The following STXBP2 variants were observed in gnomAD, a reference collection of about 807,000 sequenced individuals.
The protein encoded by STXBP2 is syntaxin binding protein 2.
Under a neutral mutation model 72.2 loss-of-function variants are expected in STXBP2, and 47 were observed. The observed-to-expected ratio is 0.65, with a 90% CI of 0.51 to 0.83. The LOEUF (loss-of-function observed/expected upper bound fraction) is 0.83. STXBP2 is among the 40% of genes least tolerant of loss of function. The probability of loss-of-function intolerance (pLI) is 0.00; values close to 1 mark genes in which losing one functional copy is unlikely to be tolerated. For missense variants in STXBP2, 702 were observed against 807.6 expected (o/e 0.87, Z 1.58); for synonymous variants, 367 against 338.7 (o/e 1.08, Z -0.92).
chr19:7,637,388 T>C (rs1384405159), intron 1 of STXBP2, among the ~76,000 whole-genome samples: 1 of 151,752 alleles, frequency 6.6e-6, no homozygotes, highest in East Asian at 1.9e-4. Flanking sequence ...CAGAACAAAA[T>C]TGGGGGGCCG....
intron 1 of STXBP2, among the ~76,000 whole-genome samples, chr19:7,638,310 AAAAT>A (rs1185568778): frequency 6.6e-6 from 1 of 152,224 alleles, no homozygotes; most frequent in Non-Finnish European, 1.5e-5. Flanking sequence ...CTGGGGGCTA[AAAAT>A]AAATGATTCC....
intron 4 of STXBP2, 126 bp from the exon 5 acceptor site, chr19:7,640,605 A>G (rs763359328): frequency 4.8e-6 from 6 of 1,251,928 alleles, no homozygotes; most frequent in East Asian, 2.4e-5. Context: ...GTGCATTTGC[A>G]CATATACATG....
At chr19:7,633,319 G>A (rs564943033), upstream of STXBP2, 6 of 1,317,894 alleles carry the variant, frequency 4.6e-6, no homozygotes, top group African/African-American at 1.5e-5. Context: ...AGACTCACTC[G>A]TTAATTAGGT....
At chr19:7,641,080 T>G in intron 6 of STXBP2, 77 bp downstream of exon 6, 1 of 1,487,380 alleles carries the variant, frequency 6.7e-7, no homozygotes, top group Non-Finnish European at 9.3e-7. Context: ...AAACAGACAC[T>G]GAGGCTGGGC....
At chr19:7,637,071 G>A (rs984928774), upstream of STXBP2, 10 of 1,225,276 alleles carry the variant, frequency 8.2e-6, no homozygotes, top group Non-Finnish European at 9.2e-6. Context: ...CGCGGGGCGG[G>A]GTCCACGTGG....
intron 4 of STXBP2, chr19:7,640,016 G>A: frequency 1.5e-6 from 1 of 678,900 alleles, no homozygotes; most frequent in Non-Finnish European, 2.7e-6. Context: ...ATGTGTCTGT[G>A]TGCATGTGCA....
At position 7,640,272 on chromosome 19, in the gene STXBP2, A is replaced by G. The variant is rs534147207; in HGVS notation, c.247-459A>G. On this transcript the variant is annotated intron_variant, in intron 4 of 18. Transcript: ENST00000221283. ...TGTGTGCATGTGTGTATGCGTGTAT[A>G]TGTATGTGCATCTGTGTGCATGTGT... 2.3e-4 allele frequency: 116 copies of G among 499,302 alleles called. No homozygotes were observed. The East Asian group carries it at 4.3e-3, about 19-fold the overall frequency. 30.9% of individuals were successfully genotyped at this position (499,302 alleles called of 1,614,324 possible).
Position 7,643,598 on chromosome 19 carries a change from A to G in STXBP2, c.1107+353A>G, listed in dbSNP as rs150441046. Among the ~76,000 whole-genome samples the G allele has an allele frequency of 8.7e-3, 1,166 of 133,620 alleles. 10 individuals carry two copies. Among genetic ancestry groups the G allele is most frequent in the Non-Finnish European group, 9.7e-3 (600 of 61,968 alleles). 87.7% of individuals were successfully genotyped at this position (133,620 alleles called of 152,430 possible). A position where few individuals can be genotyped will look rare whatever the true frequency, so the allele number is the denominator to read the frequency against. ...TGGAGAGGTGCGACCTGGGAGAGGAATGGAGCCTTGGAGAGGTGGGACCTG... is the reference window on the plus strand; with the variant it reads ...TGGAGAGGTGCGACCTGGGAGAGGAGTGGAGCCTTGGAGAGGTGGGACCTG... On this transcript the variant is annotated intron_variant, in intron 13 of 18. Transcript: ENST00000221283.
At position 7,644,649 on chromosome 19, in the gene STXBP2, G is replaced by A; in HGVS notation, c.1143G>A (p.Lys381=). Reference sequence around the variant, plus strand: ...TGGGCTCCGACGCAGAGGGGGAGAAGATCAAGGACTCCATGAAGCTGATCG... The same window carrying A: ...TGGGCTCCGACGCAGAGGGGGAGAAAATCAAGGACTCCATGAAGCTGATCG... ...LAMGSDAEGE[K]IKDSMKLIVP... is the part of the protein sequence containing the mutation. The change falls in exon 14 of 19, where the codon AAG becomes AAA. Residue 381 remains lysine (K), a synonymous_variant. Coordinates refer to ENST00000221283, the MANE Select transcript of STXBP2 (RefSeq NM_006949.4). The A allele has an allele frequency of 1.2e-6, 2 of 1,613,562 alleles. No homozygotes were observed. The highest frequency in any genetic ancestry group is 1.3e-5 in the African/African-American group (1 of 75,010).
chr19:7,637,762 G>A (rs2031613984), intron 1 of STXBP2, among the ~76,000 whole-genome samples: 1 of 152,206 alleles, frequency 6.6e-6, no homozygotes, highest in Admixed American at 6.5e-5. Flanking sequence ...ACCCCGGGGA[G>A]TTCCGGCCTC....
In STXBP2 at chr19:7,641,750, C is replaced by T. The variant is rs1392510715; in HGVS notation, c.475C>T (p.Pro159Ser). ...APHSTYNLYC[P>S]FRAEERTRQL... ...CCACAGCACCTACAACCTCTACTGC[C>T]CCTTCCGGGCAGAGGAGCGCACGCG... The change falls in exon 7 of 19, where the codon CCC (proline) becomes TCC (serine). Residue 159 changes from proline to serine, a missense_variant. Coordinates refer to ENST00000221283, the MANE Select transcript of STXBP2 (RefSeq NM_006949.4). The T allele has an allele frequency of 6.4e-7, 1 of 1,552,924 alleles. No individual in the cohort carries two copies. The highest frequency in any genetic ancestry group is 2.0e-5 in the Admixed American group (1 of 51,258).
intron 14 of STXBP2, 31 bp downstream of exon 14, chr19:7,644,783 C>T: frequency 6.2e-7 from 1 of 1,613,134 alleles, no homozygotes; most frequent in African/African-American, 1.3e-5. Context: ...GTTGGAACGT[C>T]CCCATTTGCC....
chr19:7,645,398 C>CGGTGTGGTTCCTGGCGT, intron 15 of STXBP2, 92 bp downstream of exon 15: 2 of 1,249,930 alleles, frequency 1.6e-6, no homozygotes, highest in Non-Finnish European at 2.3e-6. Context: ...TGCACAGGCA[C>CGGTGTGGTTCCTGGCGT]GGTGTGGTTC....
In STXBP2 at chr19:7,647,435, C is replaced by A. The variant is rs374131788; in HGVS notation, c.1620C>A (p.Gly540=). 2 of 1,613,382 alleles carry A rather than the reference C, an allele frequency of 1.2e-6. No individual in the cohort carries two copies. The highest frequency in any genetic ancestry group is 1.7e-6 in the Non-Finnish European group (2 of 1,179,904). Residue 540 remains glycine (G), a synonymous_variant, in exon 18 of 19, where the codon GGC becomes GGA. Coordinates refer to ENST00000221283, the MANE Select transcript of STXBP2 (RefSeq NM_006949.4). The part of the protein sequence containing the change: ...AGPRLIVYVM[G]GVAMSEMRAA... Reference sequence around the variant, plus strand: ...CCCGGCTCATCGTGTATGTCATGGGCGGTGTGGCCATGTCAGAGATGAGGG... The same window carrying A: ...CCCGGCTCATCGTGTATGTCATGGGAGGTGTGGCCATGTCAGAGATGAGGG...
intron 4 of STXBP2, chr19:7,640,359 T>C (rs938622953): frequency 1.4e-5 from 8 of 558,234 alleles, no homozygotes; most frequent in Non-Finnish European, 2.7e-5. Context: ...TCTGTGCATG[T>C]GTGTATGCGT....
upstream of STXBP2, chr19:7,633,675 A>C: frequency 1.7e-6 from 1 of 589,652 alleles, no homozygotes; most frequent in Non-Finnish European, 3.0e-6. Context: ...GGTAGGGGGC[A>C]GGGCGACCTG....
upstream of STXBP2, chr19:7,633,662 G>T (rs1161692940): frequency 6.6e-6 from 4 of 608,290 alleles, no homozygotes; most frequent in Admixed American, 3.0e-5. Flanking sequence ...ATCTGGCATG[G>T]TGGGTAGGGG....
upstream of STXBP2, chr19:7,632,326 G>T: frequency 4.4e-6 from 7 of 1,594,868 alleles, no homozygotes; most frequent in Non-Finnish European, 6.0e-6. The surrounding 1 kb of genome is among the most constrained non-coding windows in gnomAD (Gnocchi z 5.2). Flanking sequence ...CCTGGCTGGG[G>T]TGGAGGGCAG....
Position 7,637,157 on chromosome 19 carries a change from C to T in STXBP2, c.8C>T (p.Pro3Leu), listed in dbSNP as rs578106118. The change falls in exon 1 of 19, where the codon CCC becomes CTC. Residue 3 changes from proline to leucine, a missense_variant. Coordinates refer to ENST00000221283, the MANE Select transcript of STXBP2 (RefSeq NM_006949.4). Reference protein sequence around the residue: MAPSGLKAVVGEK... With the variant: MALSGLKAVVGEK... The stretch of plus-strand genomic sequence containing the variant: ...CGGCGCCCCTCGGGGAAGATGGCGC[C>T]CTCGGGGCTGAAGGCGGTGGTGGGG... The T allele has an allele frequency of 6.4e-6, 8 of 1,242,032 alleles. No individual in the cohort carries two copies. In the South Asian group the frequency reaches 2.4e-4, roughly 38 times the overall value. 76.9% of individuals were successfully genotyped at this position (1,242,032 alleles called of 1,614,324 possible). A position where few individuals can be genotyped will look rare whatever the true frequency, so the allele number is the denominator to read the frequency against.
Sources: allele counts gnomAD v4.1 joint callset (sites outside exome capture counted in the v4.1 genomes callset), GRCh38; gene constraint gnomAD v4.1.1; non-coding constraint Gnocchi (gnomAD v3.1); transcripts MANE v1.5; gene names NCBI Gene and HGNC (gene_info 2026-07-23, HGNC 2026-07-21).